ERC1: variants seen among roughly 807,000 people sequenced by gnomAD.
ERC1 encodes the protein RAB6 interacting protein 2.
In ERC1, 56 loss-of-function variants were observed where a neutral mutation model predicts 132.0. That is an observed-to-expected ratio of 0.42 (90% CI 0.34 to 0.53). The LOEUF is 0.53. Among genes scored for constraint, ERC1 ranks in the 20% least tolerant of loss-of-function variants. ERC1 has a pLI of 0.03. For synonymous variants in ERC1, 478 were observed against 476.1 expected (o/e 1.00, Z -0.05); for missense variants, 1,202 against 1,349.9 (o/e 0.89, Z 1.72).
intron 7 of ERC1, among the ~76,000 whole-genome samples, chr12:1,122,217 ATCTCTATCTCTATCTCTATCTGTGTCTC>A (rs1947474757): frequency 2.9e-5 from 1 of 34,446 alleles, no homozygotes; most frequent in East Asian, 6.6e-4. Context: ...CTCTATCTCT[ATCTCTATCTCTATCTCTATCTGTGTCTC>A]TATCTCTATC....
In ERC1 at chr12:1,495,722, TG is replaced by T; in HGVS notation, c.*5494del. On this transcript the variant is annotated 3_prime_UTR_variant, in exon 19 of 19. Coordinates refer to ENST00000360905, the MANE Select transcript of ERC1 (RefSeq NM_178040.4). ...CTTTTGGTAACAGTAGCAGCCTCCA[TG>T]GTGGTGTCTGGGATGCACGTGCACC... 4.5e-6 allele frequency: 1 copy of T among 223,948 alleles called. No homozygotes were observed. Among genetic ancestry groups the T allele is most frequent in the Non-Finnish European group, 8.9e-6 (1 of 112,164 alleles). The allele number at this position is 223,948 out of a possible 1,614,324, so 13.9% of individuals were successfully genotyped here.
chr12:1,263,549 G>T (rs942594286), intron 14 of ERC1, among the ~76,000 whole-genome samples: 1 of 152,176 alleles, frequency 6.6e-6, no homozygotes, highest in Non-Finnish European at 1.5e-5. Context: ...ACTTAGGTCT[G>T]ATCCCATATA....
intron 15 of ERC1, among the ~76,000 whole-genome samples, chr12:1,301,449 A>G (rs1202700674): frequency 3.9e-5 from 6 of 152,240 alleles, no homozygotes; most frequent in Admixed American, 6.5e-5. Context: ...GATAAAGAAA[A>G]TGTAGTGCCC....
intron 18 of ERC1, among the ~76,000 whole-genome samples, chr12:1,454,818 T>A (rs1179824672): frequency 6.6e-6 from 1 of 152,232 alleles, no homozygotes; most frequent in East Asian, 1.9e-4. Flanking sequence ...GAGTGTGATA[T>A]AAATTTAAAA....
intron 15 of ERC1, among the ~76,000 whole-genome samples, chr12:1,314,995 C>T (rs974503832): frequency 1.2e-4 from 19 of 152,134 alleles, no homozygotes; most frequent in Admixed American, 5.9e-4. Context: ...ATAAAGACTT[C>T]TGCTTCTGTC....
At chr12:1,375,733 C>CTTTTTTT (rs35535185) in intron 16 of ERC1, among the ~76,000 whole-genome samples, 74 of 107,102 alleles carry the variant, frequency 6.9e-4, no homozygotes, top group East Asian at 1.8e-3. Flanking sequence ...GCTCTTGTTC[C>CTTTTTTT]TTTTTTTTTT....
intron 16 of ERC1, among the ~76,000 whole-genome samples, chr12:1,405,565 T>C (rs1017278254): frequency 1.3e-5 from 2 of 151,848 alleles, no homozygotes; most frequent in African/African-American, 4.8e-5. Context: ...TAGCCGGGCG[T>C]GGTGGCAGGC....
intron 15 of ERC1, among the ~76,000 whole-genome samples, chr12:1,362,177 C>T (rs188094253): frequency 5.7e-4 from 87 of 152,184 alleles, no homozygotes; most frequent in Middle Eastern, 3.4e-3. Context: ...ACTAAGTGGC[C>T]AAAAACAAGT....
intron 8 of ERC1, among the ~76,000 whole-genome samples, chr12:1,175,964 A>C (rs777405133): frequency 6.6e-6 from 1 of 152,190 alleles, no homozygotes; most frequent in African/African-American, 2.4e-5. Context: ...AGCCTGTCAA[A>C]GTTATCCGTG....
chr12:1,132,737 T>C (rs1269889168), intron 7 of ERC1, among the ~76,000 whole-genome samples: 1 of 152,210 alleles, frequency 6.6e-6, no homozygotes, highest in Non-Finnish European at 1.5e-5. Context: ...AATTAATGCT[T>C]AGAAGAACTG....
intron 3 of ERC1, among the ~76,000 whole-genome samples, chr12:1,091,974 T>G (rs1943277976): frequency 6.7e-6 from 1 of 150,036 alleles, no homozygotes; most frequent in Non-Finnish European, 1.5e-5. Context: ...TGTCCATCTT[T>G]TAAAAAAAAG....
chr12:1,371,384 C>T (rs2087215830), intron 15 of ERC1, among the ~76,000 whole-genome samples: 1 of 152,188 alleles, frequency 6.6e-6, no homozygotes, highest in Admixed American at 6.5e-5. Flanking sequence ...GTCACATTCG[C>T]CTGAATGGGA....
intron 13 of ERC1, among the ~76,000 whole-genome samples, chr12:1,248,830 G>T (rs1031742628): frequency 2.6e-5 from 4 of 152,146 alleles, no homozygotes. Flanking sequence ...CTCTTAAGAA[G>T]CTCACATTCT....
intron 3 of ERC1, among the ~76,000 whole-genome samples, chr12:1,095,785 G>GATGT (rs1174730815): frequency 6.6e-6 from 1 of 152,202 alleles, no homozygotes; most frequent in Non-Finnish European, 1.5e-5. Context: ...CTGACTGGAA[G>GATGT]ATGTGTTCAT....
At position 1,028,051 on chromosome 12, in the gene ERC1, A is replaced by G. The variant is rs35037408; in HGVS notation, c.148A>G (p.Ser50Gly). The G allele has an allele frequency of 0.034, 54,664 of 1,614,182 alleles. 1,110 individuals carry two copies. Among genetic ancestry groups the G allele is most frequent in the Middle Eastern group, 0.068 (413 of 6,062 alleles). Reference protein sequence around the residue: ...GSSGSSVGGGSGKTLSMENIQ... With the variant: ...GSSGSSVGGGGGKTLSMENIQ... Reference sequence around the variant, plus strand: ...TTCGGGAAGCAGTGTTGGAGGTGGCAGTGGGAAAACCCTTTCAATGGAAAA... The same window carrying G: ...TTCGGGAAGCAGTGTTGGAGGTGGCGGTGGGAAAACCCTTTCAATGGAAAA... The change falls in exon 2 of 19, where the codon AGT (serine) becomes GGT (glycine). Residue 50 changes from serine to glycine, a missense_variant. Transcript: ENST00000360905.
At chr12:1,254,725 C>T (rs1482835541) in intron 13 of ERC1, among the ~76,000 whole-genome samples, 1 of 152,164 alleles carries the variant, frequency 6.6e-6, no homozygotes, top group Admixed American at 6.5e-5. Flanking sequence ...GTTGGCCAGG[C>T]TGGTCTTGAA....
chr12:1,027,831 C>T lies in ERC1; in HGVS notation c.-73C>T, dbSNP rs150005389. The T allele has an allele frequency of 1.3e-4, 176 of 1,364,892 alleles. 1 individual carries two copies. In the East Asian group the frequency reaches 1.9e-3, roughly 14 times the overall value. The allele number at this position is 1,364,892 out of a possible 1,614,324, so 84.5% of individuals were successfully genotyped here. ...TTAAACCAACTTGTAGCCATAGAGA[C>T]ACCTCACAAGGTTCCCATTTTTGTT... On this transcript the variant is annotated 5_prime_UTR_variant, in exon 2 of 19. Transcript: ENST00000360905.
At chr12:1,145,289 T>G (rs1276387877) in intron 8 of ERC1, among the ~76,000 whole-genome samples, 4 of 152,224 alleles carry the variant, frequency 2.6e-5, no homozygotes, top group African/African-American at 9.6e-5. Context: ...AGTGCTGGGA[T>G]TACAGGTGTG....
chr12:1,230,100 G>A (rs759056806), intron 12 of ERC1, among the ~76,000 whole-genome samples: 8 of 147,508 alleles, frequency 5.4e-5, no homozygotes, highest in Non-Finnish European at 8.9e-5. Context: ...ACCGCCTCCC[G>A]GGTTCAAGCG....
Sources: allele counts gnomAD v4.1 joint callset (sites outside exome capture counted in the v4.1 genomes callset), GRCh38; gene constraint gnomAD v4.1.1; transcripts MANE v1.5; gene names NCBI Gene and HGNC (gene_info 2026-07-23, HGNC 2026-07-21).